The following STK3 variants were observed in gnomAD, a reference collection of about 807,000 sequenced individuals.
The protein encoded by STK3 is serine/threonine kinase 3, also known as serine/threonine-protein kinase 3.
STK3 carries 41 observed loss-of-function variants against 58.0 expected under a neutral mutation model. The ratio of observed to expected loss-of-function variants is 0.71; its 90% confidence interval spans 0.55 to 0.92. The LOEUF (loss-of-function observed/expected upper bound fraction) is 0.92. STK3 is among the 40% of genes least tolerant of loss of function. STK3 has a pLI of 0.00. For synonymous variants in STK3, 170 were observed against 191.0 expected, an observed-to-expected ratio of 0.89 and a Z score of 0.91; for missense variants, 479 against 602.7, an observed-to-expected ratio of 0.79 and a Z score of 2.15.
chr8:98,485,968 CA>C (rs1293046901), intron 10 of STK3, among the ~76,000 whole-genome samples: 1 of 152,090 alleles, frequency 6.6e-6, no homozygotes, highest in East Asian at 1.9e-4. Flanking sequence ...GACAAAGCTC[CA>C]AAGAAGAGGT....
chr8:98,915,432 C>A lies in STK3; in HGVS notation c.-79+26946G>T, dbSNP rs893177913. The stretch of plus-strand genomic sequence containing the variant: ...GTGAGTTAATACTTAATAAACTTTC[C>A]TATATATATATATATATATATATAT... On this transcript the variant is annotated intron_variant, in intron 1 of 1. Transcript: ENST00000519420. 4.3e-4 allele frequency among the ~76,000 whole-genome samples: 41 copies of A among 94,738 alleles called. 1 individual carries two copies. The highest frequency in any genetic ancestry group is 9.5e-4 in the African/African-American group (17 of 17,872). The allele number at this position is 94,738 out of a possible 152,430, so 62.2% of individuals were successfully genotyped here.
chr8:98,873,139 T>C (rs947109327), intron 3 of STK3, among the ~76,000 whole-genome samples: 1 of 152,196 alleles, frequency 6.6e-6, no homozygotes, highest in Non-Finnish European at 1.5e-5. Flanking sequence ...TTCCATGTAG[T>C]TGAGCGGTTT....
At chr8:98,758,856 C>A (rs951351851) in intron 3 of STK3, among the ~76,000 whole-genome samples, 10 of 152,240 alleles carry the variant, frequency 6.6e-5, no homozygotes, top group Non-Finnish European at 1.5e-4. Flanking sequence ...ATGGAGACAG[C>A]TTCTTTGTTT....
At chr8:98,527,973 A>G (rs1825874149) in intron 9 of STK3, among the ~76,000 whole-genome samples, 1 of 152,198 alleles carries the variant, frequency 6.6e-6, no homozygotes, top group Non-Finnish European at 1.5e-5. Flanking sequence ...AGTCAACCTT[A>G]TTTACTCAAT....
intron 8 of STK3, among the ~76,000 whole-genome samples, chr8:98,559,425 T>G (rs1015181511): frequency 6.6e-6 from 1 of 152,106 alleles, no homozygotes; most frequent in Non-Finnish European, 1.5e-5. Context: ...GAGGAGCACT[T>G]GCCAAACTGA....
At chr8:98,624,727 A>G (rs1175197963) in intron 6 of STK3, among the ~76,000 whole-genome samples, 3 of 151,960 alleles carry the variant, frequency 2.0e-5, no homozygotes, top group Non-Finnish European at 4.4e-5. Context: ...GGTGGCAGAT[A>G]CCTGTAATCC....
the STK3 span, among the ~76,000 whole-genome samples, chr8:98,362,599 G>A: frequency 6.6e-6 from 1 of 152,188 alleles, no homozygotes; most frequent in African/African-American, 2.4e-5. Flanking sequence ...TTCCCGAGGT[G>A]GATTGCCAGG....
chr8:98,684,922 A>G (rs920772417), intron 6 of STK3, among the ~76,000 whole-genome samples: 2 of 152,228 alleles, frequency 1.3e-5, no homozygotes, highest in African/African-American at 4.8e-5. Flanking sequence ...TGAATCACAA[A>G]TAAGGAAAAT....
chr8:98,766,041 G>A (rs1186285225), intron 3 of STK3, among the ~76,000 whole-genome samples: 4 of 152,000 alleles, frequency 2.6e-5, no homozygotes, highest in African/African-American at 9.7e-5. Flanking sequence ...CTTTCTACCT[G>A]TCATCCCCTT....
chr8:98,743,410 G>A (rs537060424), intron 4 of STK3, among the ~76,000 whole-genome samples: 1 of 152,236 alleles, frequency 6.6e-6, no homozygotes. Context: ...GAACAGAACA[G>A]AGCCCTCAGA....
chr8:98,905,370 T>G, intron 1 of STK3: 1 of 1,088,866 alleles, frequency 9.2e-7, no homozygotes, highest in South Asian at 1.2e-5. Context: ...GACTGGACCA[T>G]ACTTCTCAAA....
intron 1 of STK3, among the ~76,000 whole-genome samples, chr8:98,440,718 A>G (rs997939612): frequency 2.6e-5 from 4 of 152,158 alleles, no homozygotes; most frequent in African/African-American, 9.7e-5. Context: ...CTAAAATCTA[A>G]GGAGGAGGAT....
intron 6 of STK3, among the ~76,000 whole-genome samples, chr8:98,617,001 G>C (rs1420153786): frequency 2.0e-5 from 3 of 151,984 alleles, no homozygotes; most frequent in Non-Finnish European, 2.9e-5. Context: ...CAAATCAACA[G>C]AATATACGTT....
At chr8:98,469,319 C>A (rs1234609619) in intron 10 of STK3, among the ~76,000 whole-genome samples, 1 of 151,228 alleles carries the variant, frequency 6.6e-6, no homozygotes, top group East Asian at 2.0e-4. Flanking sequence ...TCGGTATCAA[C>A]TAATTTAATA....
chr8:98,368,092 G>C (rs147945091), downstream of STK3, among the ~76,000 whole-genome samples: 149 of 152,238 alleles, frequency 9.8e-4, 2 homozygotes, highest in Middle Eastern at 3.4e-3. Flanking sequence ...CAGTGGGGAG[G>C]ACAGCACACT....
At chr8:98,587,671 T>C (rs1178270227) in intron 7 of STK3, among the ~76,000 whole-genome samples, 1 of 152,052 alleles carries the variant, frequency 6.6e-6, no homozygotes, top group Non-Finnish European at 1.5e-5. Context: ...TTCTGTCTCG[T>C]TGATCTGTCT....
chr8:98,769,483 T>C (rs1272150569), intron 2 of STK3, among the ~76,000 whole-genome samples: 2 of 152,242 alleles, frequency 1.3e-5, no homozygotes, highest in African/African-American at 2.4e-5. Context: ...CCTTCCACCA[T>C]GATTGTGAGG....
At chr8:98,794,981 T>C (rs1418249217) in intron 1 of STK3, among the ~76,000 whole-genome samples, 2 of 146,472 alleles carry the variant, frequency 1.4e-5, no homozygotes, top group East Asian at 4.1e-4. Flanking sequence ...GGCAGGAGAA[T>C]GGCTTGAACC....
the STK3 span, among the ~76,000 whole-genome samples, chr8:98,345,679 G>A: frequency 6.6e-6 from 1 of 152,038 alleles, no homozygotes; most frequent in African/African-American, 2.4e-5. Flanking sequence ...AACCTATAAT[G>A]AGGAAAATAA....
Sources: allele counts gnomAD v4.1 joint callset (sites outside exome capture counted in the v4.1 genomes callset), GRCh38; gene constraint gnomAD v4.1.1; transcripts MANE v1.5; gene names NCBI Gene and HGNC (gene_info 2026-07-23, HGNC 2026-07-21).